Variants in DPP6 observed in about 807,000 individuals in gnomAD.
DPP6 encodes dipeptidyl peptidase like 6, also known as A-type potassium channel modulatory protein DPP6.
A neutral mutation model predicts 122.6 loss-of-function variants in DPP6; 69 were observed. That is an observed-to-expected ratio of 0.56 (90% CI 0.46 to 0.69). The LOEUF is 0.69. Among genes scored for constraint, DPP6 ranks in the 30% least tolerant of loss-of-function variants. DPP6 has a pLI of 0.00. For missense variants in DPP6, 928 were observed against 1,116.9 expected, an observed-to-expected ratio of 0.83 and a Z score of 2.41; for synonymous variants, 418 against 433.1, an observed-to-expected ratio of 0.97 and a Z score of 0.43.
At position 154,803,945 on chromosome 7, in the gene DPP6, G is replaced by A. The variant is rs1798536187; in HGVS notation, c.1489G>A (p.Gly497Arg). ...CAAGATCCTAGCCTACGATGAGAAGGGGAATAAGATGTGAGTGAGAACCAG... is the reference window on the plus strand; with the variant it reads ...CAAGATCCTAGCCTACGATGAGAAGAGGAATAAGATGTGAGTGAGAACCAG... ...VTKILAYDEK[G>R]NKIYFLSTED... Residue 497 changes from glycine to arginine, a missense_variant, in exon 14 of 26, where the codon GGG (glycine) becomes AGG (arginine). Transcript: ENST00000377770. The A allele has an allele frequency of 6.2e-7, 1 of 1,613,676 alleles. No individual in the cohort carries two copies. The highest frequency in any genetic ancestry group is 8.5e-7 in the Non-Finnish European group (1 of 1,179,772).
chr7:154,681,615 G>C (rs1466468748), intron 7 of DPP6, among the ~76,000 whole-genome samples: 1 of 152,142 alleles, frequency 6.6e-6, no homozygotes, highest in Admixed American at 6.5e-5. Flanking sequence ...GGCTGTACTC[G>C]GTGCTGCCAA....
intron 1 of DPP6, among the ~76,000 whole-genome samples, chr7:154,283,293 T>C (rs1190853246): frequency 1.3e-5 from 2 of 152,170 alleles, no homozygotes; most frequent in African/African-American, 2.4e-5. Context: ...TGTGTAAACT[T>C]GAGCAAGTTA....
chr7:153,984,170 T>C (rs1309639857), intron 1 of DPP6, among the ~76,000 whole-genome samples: 2 of 152,056 alleles, frequency 1.3e-5, no homozygotes, highest in Admixed American at 6.6e-5. Context: ...AGCAAATTTG[T>C]GGGTATCCCA....
chr7:154,030,439 G>C (rs796498884), intron 1 of DPP6, among the ~76,000 whole-genome samples: 1 of 152,116 alleles, frequency 6.6e-6, no homozygotes, highest in Non-Finnish European at 1.5e-5. Flanking sequence ...TGATGCTGAT[G>C]ATTAGGAGGC....
chr7:154,827,517 G>GAGGGC, intron 16 of DPP6, among the ~76,000 whole-genome samples: 1 of 152,230 alleles, frequency 6.6e-6, no homozygotes, highest in East Asian at 1.9e-4. Flanking sequence ...GGCAGGAAGA[G>GAGGGC]AGGGCGTCTG....
intron 1 of DPP6, among the ~76,000 whole-genome samples, chr7:153,960,018 T>C (rs1795265471): frequency 3.3e-5 from 5 of 152,210 alleles, no homozygotes; most frequent in Admixed American, 3.3e-4. Context: ...CTGGCCTAAG[T>C]TCAATATCAG....
intron 1 of DPP6, among the ~76,000 whole-genome samples, chr7:154,066,658 A>G (rs893822108): frequency 8.6e-5 from 13 of 151,208 alleles, no homozygotes; most frequent in African/African-American, 2.7e-4. Context: ...TGAGAGTCTC[A>G]TGTAAAAGGG....
intron 5 of DPP6, among the ~76,000 whole-genome samples, chr7:154,625,817 C>T (rs1835031982): frequency 6.6e-6 from 1 of 152,220 alleles, no homozygotes; most frequent in South Asian, 2.1e-4. Flanking sequence ...GCCCTCAGTC[C>T]TTCCCACAAT....
At chr7:154,587,069 A>T (rs774795415) in intron 5 of DPP6, 1 of 152,682 alleles carries the variant, frequency 6.5e-6, no homozygotes, top group Non-Finnish European at 1.5e-5. Context: ...TTCTTCCTTC[A>T]CAAAAGGATG....
At chr7:153,869,273 T>G in the DPP6 span, among the ~76,000 whole-genome samples, 1 of 152,324 alleles carries the variant, frequency 6.6e-6, no homozygotes, top group African/African-American at 2.4e-5. Context: ...CCCATTATTA[T>G]TGTGTGGGAG....
chr7:154,092,488 A>G (rs1409353608), intron 1 of DPP6: 3 of 147,726 alleles, frequency 2.0e-5, no homozygotes, highest in Admixed American at 1.3e-4. Context: ...TTTGCCTGTT[A>G]TGGCCTTTAC....
rs1585780886 is a variant in DPP6 at position 154,265,862 on chromosome 7, G to A, written c.244-180352G>A. ...TTGTTACTTGACTGGCTGTTACTTT[G>A]GTCCTATTTTTAACTAGCAAAAGAT... On this transcript the variant is annotated intron_variant, in intron 1 of 25. Coordinates refer to ENST00000377770, the MANE Select transcript of DPP6 (RefSeq NM_130797.4). Among the ~76,000 whole-genome samples, 3 of 152,100 alleles carry A rather than the reference G, an allele frequency of 2.0e-5. No individual in the cohort carries two copies. In the South Asian group the frequency reaches 6.2e-4, roughly 32 times the overall value.
chr7:153,944,663 G>GTTTTTTTTTTTTTTTT lies in DPP6; in HGVS notation c.51+56929_51+56930insTTTTTTTTTTTTTTTT, dbSNP rs769081715. Among the ~76,000 whole-genome samples the GTTTTTTTTTTTTTTTT allele has an allele frequency of 1.9e-5, 2 of 103,952 alleles. 1 individual carries two copies. The allele number at this position is 103,952 out of a possible 152,430, so 68.2% of individuals were successfully genotyped here. On this transcript the variant is annotated intron_variant, in intron 1 of 25. Coordinates refer to the DPP6 transcript ENST00000404039. ...ACCATCAGTTTCTTATTTTTGTGTG[G>GTTTTTTTTTTTTTTTT]GTTTTTTTTTTTTTTTTTTTTTTGA...
rs934062124 is a variant in DPP6 at position 154,875,290 on chromosome 7, C to T, written c.1884-616C>T. On this transcript the variant is annotated intron_variant, in intron 19 of 25. Coordinates refer to ENST00000377770, the MANE Select transcript of DPP6 (RefSeq NM_130797.4). The surrounding 1 kb of genome is among the most constrained non-coding windows in gnomAD (Gnocchi z 4.5). The stretch of plus-strand genomic sequence containing the variant: ...GCCTTTCAGCCAGCAGTGCTGGGCT[C>T]GCAAATGAAGAGCTGGGAGGAGAGC... Among the ~76,000 whole-genome samples the T allele has an allele frequency of 1.3e-5, 2 of 152,082 alleles. No individual in the cohort carries two copies. Among genetic ancestry groups the T allele is most frequent in the African/African-American group, 2.4e-5 (1 of 41,412 alleles).
At chr7:154,127,636 C>CACACAG (rs1808011035) in intron 1 of DPP6, among the ~76,000 whole-genome samples, 1 of 104,120 alleles carries the variant, frequency 9.6e-6, no homozygotes, top group African/African-American at 4.6e-5. Flanking sequence ...CACACACAGA[C>CACACAG]ACACACACAC....
chr7:154,067,906 T>G (rs566648102), intron 1 of DPP6, among the ~76,000 whole-genome samples: 20 of 144,800 alleles, frequency 1.4e-4, no homozygotes, highest in Non-Finnish European at 2.8e-4. Flanking sequence ...GGTTTTTTTT[T>G]GTTTTTTTTT....
At chr7:154,786,196 A>G (rs1255500776) in intron 10 of DPP6, among the ~76,000 whole-genome samples, 1 of 152,256 alleles carries the variant, frequency 6.6e-6, no homozygotes, top group African/African-American at 2.4e-5. Flanking sequence ...ATTCTTGAAT[A>G]GCTAAAAATG....
chr7:154,208,609 G>T (rs1341441746), intron 1 of DPP6, among the ~76,000 whole-genome samples: 1 of 152,170 alleles, frequency 6.6e-6, no homozygotes, highest in East Asian at 1.9e-4. Context: ...AAAGAAAATG[G>T]AGTGCTTTGT....
At chr7:154,477,542 A>AG (rs58340370) in intron 3 of DPP6, among the ~76,000 whole-genome samples, 1 of 151,330 alleles carries the variant, frequency 6.6e-6, no homozygotes, top group Admixed American at 6.6e-5. Context: ...AAAAAAAAAA[A>AG]GTATATGTAG....
Sources: gnomAD v4.1 joint callset for allele counts (sites outside exome capture counted in the v4.1 genomes callset) on GRCh38, gnomAD v4.1.1 for gene constraint, Gnocchi (gnomAD v3.1) non-coding constraint, MANE v1.5 for transcripts, NCBI Gene and HGNC (gene_info 2026-07-23, HGNC 2026-07-21) for gene names.